CDK8: variants seen among roughly 807,000 people sequenced by gnomAD.
CDK8 encodes cyclin dependent kinase 8, also known as cyclin-dependent kinase 8.
In CDK8, 29 loss-of-function variants were observed where a neutral mutation model predicts 71.5. The ratio of observed to expected loss-of-function variants is 0.41; its 90% CI spans 0.30 to 0.55. The LOEUF is 0.55. Among genes scored for constraint, CDK8 ranks in the 20% least tolerant of loss-of-function variants. CDK8 has a pLI of 0.37. For synonymous variants in CDK8, 161 were observed against 192.1 expected (o/e 0.84, Z 1.34); for missense variants, 288 against 572.6 (o/e 0.50, Z 5.07).
chr13:26,265,344 A>G (rs1871975508), intron 1 of CDK8, among the ~76,000 whole-genome samples: 1 of 152,180 alleles, frequency 6.6e-6, no homozygotes, highest in African/African-American at 2.4e-5. Context: ...GCAGTAGGGA[A>G]AATTGTAGGT....
intron 1 of CDK8, among the ~76,000 whole-genome samples, chr13:26,317,392 A>G (rs542079751): frequency 7.2e-5 from 11 of 152,326 alleles, no homozygotes; most frequent in African/African-American, 2.4e-4. Flanking sequence ...CCGCCTCTCA[A>G]TGATGGATAG....
At chr13:26,374,881 C>G (rs1661518408) in intron 4 of CDK8, among the ~76,000 whole-genome samples, 1 of 151,056 alleles carries the variant, frequency 6.6e-6, no homozygotes, top group South Asian at 2.1e-4. Flanking sequence ...ATCAAGAAAC[C>G]TTAAAAATGT....
chr13:26,350,669 G>T (rs949431784), intron 3 of CDK8, among the ~76,000 whole-genome samples: 11 of 152,080 alleles, frequency 7.2e-5, no homozygotes, highest in Admixed American at 5.2e-4. Context: ...CTGATGTCAG[G>T]TGATCTGCCC....
chr13:26,273,067 C>T (rs1035097090), intron 1 of CDK8, among the ~76,000 whole-genome samples: 7 of 152,068 alleles, frequency 4.6e-5, no homozygotes, highest in Non-Finnish European at 1.0e-4. Context: ...ACAAAAACTT[C>T]TATGTTTTTT....
chr13:26,342,633 T>C (rs937965432), intron 2 of CDK8, among the ~76,000 whole-genome samples: 19 of 152,200 alleles, frequency 1.2e-4, no homozygotes, highest in Non-Finnish European at 2.9e-5. Flanking sequence ...AAGGTAATTG[T>C]CCACTGAGAC....
chr13:26,280,519 A>T (rs1474906206), intron 1 of CDK8, among the ~76,000 whole-genome samples: 2 of 152,216 alleles, frequency 1.3e-5, no homozygotes, highest in African/African-American at 4.8e-5. Flanking sequence ...CAGTGATACC[A>T]CAGTGATATA....
chr13:26,368,702 G>A (rs1430565162), intron 4 of CDK8, among the ~76,000 whole-genome samples: 1 of 152,174 alleles, frequency 6.6e-6, no homozygotes, highest in African/African-American at 2.4e-5. Context: ...GAATTCTTAA[G>A]TTTCACTATT....
chr13:26,393,352 CT>C lies in CDK8; in HGVS notation c.647-10del. ...CCTATTTTTCTTTCTTTTTTTTTTT[CT>C]TTTTGTTTTAAAGATATTTGGGCTA... On this transcript the variant is annotated splice_polypyrimidine_tract_variant and intron_variant, in intron 6 of 12. Coordinates refer to ENST00000381527, the MANE Select transcript of CDK8 (RefSeq NM_001260.3). 2 of 1,215,952 alleles carry C rather than the reference CT, an allele frequency of 1.6e-6. No individual in the cohort carries two copies. Among genetic ancestry groups the C allele is most frequent in the African/African-American group, 1.9e-5 (1 of 52,776 alleles). 75.3% of individuals were successfully genotyped at this position (1,215,952 alleles called of 1,614,324 possible).
At chr13:26,346,568 T>G (rs921729578) in intron 2 of CDK8, among the ~76,000 whole-genome samples, 1 of 152,230 alleles carries the variant, frequency 6.6e-6, no homozygotes, top group Admixed American at 6.5e-5. Flanking sequence ...TAGCACGAGC[T>G]TTGGCTCTTT....
chr13:26,391,382 C>G (rs192217539), intron 6 of CDK8, among the ~76,000 whole-genome samples: 115 of 152,288 alleles, frequency 7.6e-4, no homozygotes, highest in African/African-American at 2.7e-3. Flanking sequence ...GCTGGGACTA[C>G]AGGCATATGC....
At chr13:26,257,112 T>C (rs1871558169) in intron 1 of CDK8, among the ~76,000 whole-genome samples, 1 of 152,206 alleles carries the variant, frequency 6.6e-6, no homozygotes, top group South Asian at 2.1e-4. Flanking sequence ...AATTTGTTTC[T>C]AGTATTGATT....
chr13:26,300,386 G>A (rs542783295), intron 1 of CDK8, among the ~76,000 whole-genome samples: 1 of 152,188 alleles, frequency 6.6e-6, no homozygotes, highest in African/African-American at 2.4e-5. Flanking sequence ...GAGGTGGGGG[G>A]CATGAGATTT....
intron 1 of CDK8, among the ~76,000 whole-genome samples, chr13:26,319,520 C>G (rs1317292530): frequency 2.6e-5 from 4 of 151,672 alleles, no homozygotes; most frequent in Admixed American, 1.3e-4. Flanking sequence ...AGGTAAAAGT[C>G]TTGTTCAGTG....
chr13:26,346,183 G>A (rs145458919), intron 2 of CDK8, among the ~76,000 whole-genome samples: 2 of 152,076 alleles, frequency 1.3e-5, no homozygotes, highest in African/African-American at 4.8e-5. Flanking sequence ...CTGTTTTCTC[G>A]TTTGTAAAAT....
At chr13:26,283,187 GAACAAA>G (rs1872839145) in intron 1 of CDK8, among the ~76,000 whole-genome samples, 2 of 152,176 alleles carry the variant, frequency 1.3e-5, no homozygotes, top group Admixed American at 6.6e-5. Flanking sequence ...CTATACCATA[GAACAAA>G]TGGACTTAAC....
At chr13:26,370,898 C>T (rs1874632910) in intron 4 of CDK8, among the ~76,000 whole-genome samples, 1 of 152,056 alleles carries the variant, frequency 6.6e-6, no homozygotes, top group Non-Finnish European at 1.5e-5. Context: ...TTTCTGTATG[C>T]TTTCTGTGTT....
chr13:26,363,375 G>A lies in CDK8; in HGVS notation c.456+9495G>A, dbSNP rs944955114. On this transcript the variant is annotated intron_variant, in intron 4 of 12. Coordinates refer to ENST00000381527, the MANE Select transcript of CDK8 (RefSeq NM_001260.3). ...GAGTATTTCAACTATTGCAGCCATC[G>A]TCGGTTGGCCACTCCTGCTCTTAAC... Among the ~76,000 whole-genome samples the A allele has an allele frequency of 7.6e-5, 11 of 145,542 alleles. No homozygotes were observed. The East Asian group carries it at 1.0e-3, about 14-fold the overall frequency.
At chr13:26,348,930 G>A (rs554933971) in intron 2 of CDK8, 142 bp from the exon 3 acceptor site, 68 of 664,426 alleles carry the variant, frequency 1.0e-4, no homozygotes, top group Admixed American at 4.2e-4. Context: ...TGAAGTATCC[G>A]TCTCAGAATT....
In CDK8 at chr13:26,404,376, C is replaced by CT. The variant is rs1876415883; in HGVS notation, c.*296dup. The CT allele has an allele frequency of 3.2e-6, 1 of 314,580 alleles. No homozygotes were observed. Among genetic ancestry groups the CT allele is most frequent in the South Asian group, 7.0e-5 (1 of 14,238 alleles). The allele number at this position is 314,580 out of a possible 1,614,324, so 19.5% of individuals were successfully genotyped here. On this transcript the variant is annotated 3_prime_UTR_variant, in exon 13 of 13. Transcript: ENST00000381527. The stretch of plus-strand genomic sequence containing the variant: ...CCAATGCATTTTTTTCAGTGACAGT[C>CT]TGTAGCAGTTGAAGCTGTGAATGTG...
Sources: allele counts gnomAD v4.1 joint callset (sites outside exome capture counted in the v4.1 genomes callset), GRCh38; gene constraint gnomAD v4.1.1; transcripts MANE v1.5; gene names NCBI Gene and HGNC (gene_info 2026-07-23, HGNC 2026-07-21).